Variants in NRXN3 observed in about 807,000 individuals in gnomAD.
NRXN3 encodes neurexin III.
A neutral mutation model predicts 137.6 loss-of-function variants in NRXN3; 32 were observed. The ratio of observed to expected loss-of-function variants is 0.23; its 90% CI spans 0.18 to 0.31. NRXN3 has a LOEUF of 0.31. Among genes scored for constraint, NRXN3 ranks in the 10% least tolerant of loss-of-function variants. The probability of loss-of-function intolerance (pLI) is 1.00; values close to 1 mark genes in which losing one functional copy is unlikely to be tolerated. For synonymous variants in NRXN3, 798 were observed against 784.5 expected (o/e 1.02, Z -0.29); for missense variants, 1,574 against 2,062.5 (o/e 0.76, Z 4.59).
At chr14:79,635,694 T>A (rs1245138049) in intron 16 of NRXN3, among the ~76,000 whole-genome samples, 2 of 152,180 alleles carry the variant, frequency 1.3e-5, no homozygotes, top group African/African-American at 4.8e-5. Context: ...TCCCTGTGTG[T>A]CTGTATTTGT....
intron 18 of NRXN3, among the ~76,000 whole-genome samples, chr14:79,696,006 G>A (rs12147389): frequency 0.31 from 47,336 of 151,814 alleles, 10,082 homozygotes; most frequent in African/African-American, 0.6. Context: ...GCTATTATTT[G>A]TAAATCATTC....
rs1224674515 is a variant in NRXN3 at position 79,408,350 on chromosome 14, G to A, written c.3263-58871G>A. 5.9e-5 allele frequency among the ~76,000 whole-genome samples: 9 copies of A among 152,084 alleles called. No homozygotes were observed. The East Asian group carries it at 9.7e-4, about 16-fold the overall frequency. ...GGGTCCAACCTAAATTTTCTAGGAC[G>A]CAGCCCAACTAACTGAATTCTTTAT... On this transcript the variant is annotated intron_variant, in intron 15 of 20. Coordinates refer to ENST00000335750, the MANE Select transcript of NRXN3 (RefSeq NM_001330195.2).
intron 16 of NRXN3, among the ~76,000 whole-genome samples, chr14:79,544,457 A>C (rs1382085133): frequency 5.9e-5 from 9 of 152,212 alleles, no homozygotes; most frequent in African/African-American, 2.2e-4. Flanking sequence ...GTGCAGTAGT[A>C]GAGAGAATAG....
Position 79,616,595 on chromosome 14 carries a change from C to T in NRXN3, c.3445-47183C>T, listed in dbSNP as rs78042935. The stretch of plus-strand genomic sequence containing the variant: ...TACCTGGGTAGCAAAATAATCTGTA[C>T]ACCAAATCCCCATGACATGTGATTT... On this transcript the variant is annotated intron_variant, in intron 16 of 20. Coordinates refer to ENST00000335750, the MANE Select transcript of NRXN3 (RefSeq NM_001330195.2). 8.3e-4 allele frequency among the ~76,000 whole-genome samples: 127 copies of T among 152,242 alleles called. 2 individuals carry two copies. Among genetic ancestry groups the T allele is most frequent in the Middle Eastern group, 3.4e-3 (1 of 294 alleles).
chr14:78,257,307 C>T (rs920844756), intron 2 of NRXN3, among the ~76,000 whole-genome samples: 34 of 152,360 alleles, frequency 2.2e-4, no homozygotes, highest in Non-Finnish European at 1.6e-4. Flanking sequence ...ATTCACCTGA[C>T]ATTCACTACA....
chr14:79,349,955 A>G (rs1263816876), intron 15 of NRXN3, among the ~76,000 whole-genome samples: 1 of 152,228 alleles, frequency 6.6e-6, no homozygotes, highest in Non-Finnish European at 1.5e-5. Context: ...CTGGGTGGCA[A>G]TAAGTTTCTG....
chr14:78,292,907 G>T (rs1323892421), intron 3 of NRXN3, among the ~76,000 whole-genome samples: 3 of 152,148 alleles, frequency 2.0e-5, no homozygotes, highest in African/African-American at 7.2e-5. Flanking sequence ...GATTGCTGCT[G>T]ATGGGCATGC....
At chr14:78,834,002 G>A (rs1340183384) in intron 10 of NRXN3, among the ~76,000 whole-genome samples, 2 of 152,156 alleles carry the variant, frequency 1.3e-5, no homozygotes, top group Non-Finnish European at 2.9e-5. Flanking sequence ...AATATGTTGT[G>A]CAGAAGGTAA....
chr14:78,666,379 C>CA (rs2097886814), intron 6 of NRXN3, among the ~76,000 whole-genome samples: 1 of 152,002 alleles, frequency 6.6e-6, no homozygotes, highest in African/African-American at 2.4e-5. Context: ...AAAGCCAAAA[C>CA]AAAATGGTTA....
At chr14:78,406,124 G>A (rs1263490932) in intron 4 of NRXN3, among the ~76,000 whole-genome samples, 2 of 152,198 alleles carry the variant, frequency 1.3e-5, no homozygotes, top group African/African-American at 2.4e-5. Flanking sequence ...AGGAAGTTTG[G>A]TGAGAGATGG....
chr14:79,585,353 G>C (rs1251001367), intron 16 of NRXN3, among the ~76,000 whole-genome samples: 4 of 152,148 alleles, frequency 2.6e-5, no homozygotes, highest in Non-Finnish European at 4.4e-5. Flanking sequence ...TGGAAGGATA[G>C]AGGCATAGCC....
intron 15 of NRXN3, among the ~76,000 whole-genome samples, chr14:79,300,385 G>A (rs1018828147): frequency 6.6e-6 from 1 of 152,082 alleles, no homozygotes; most frequent in African/African-American, 2.4e-5. Flanking sequence ...GTGATTCTGT[G>A]GGTCAGCAGT....
intron 15 of NRXN3, among the ~76,000 whole-genome samples, chr14:79,408,626 G>A (rs2095358274): frequency 1.3e-5 from 2 of 151,858 alleles, no homozygotes; most frequent in Non-Finnish European, 2.9e-5. Context: ...GGTTCATCTG[G>A]GGCAGATGAA....
At chr14:79,113,934 C>A (rs2053969201) in intron 15 of NRXN3, among the ~76,000 whole-genome samples, 1 of 152,194 alleles carries the variant, frequency 6.6e-6, no homozygotes, top group African/African-American at 2.4e-5. Flanking sequence ...ACTGTCCACG[C>A]TGCTAGTCTG....
chr14:79,114,099 T>C (rs1485489186), intron 15 of NRXN3, among the ~76,000 whole-genome samples: 1 of 152,174 alleles, frequency 6.6e-6, no homozygotes, highest in African/African-American at 2.4e-5. Flanking sequence ...AACAGGGCAA[T>C]GTTGCCCCTC....
At chr14:79,105,098 T>C (rs1157808165) in intron 15 of NRXN3, among the ~76,000 whole-genome samples, 1 of 152,130 alleles carries the variant, frequency 6.6e-6, no homozygotes, top group Non-Finnish European at 1.5e-5. Context: ...GAACATTTTA[T>C]TTCACCCCAG....
chr14:78,403,411 A>G (rs1196870683), intron 4 of NRXN3, among the ~76,000 whole-genome samples: 2 of 152,220 alleles, frequency 1.3e-5, no homozygotes, highest in Non-Finnish European at 2.9e-5. Flanking sequence ...CAGAGCTCGC[A>G]TTCTGGGAAT....
At chr14:78,237,577 C>T (rs532172523) in intron 1 of NRXN3, among the ~76,000 whole-genome samples, 13 of 152,274 alleles carry the variant, frequency 8.5e-5, no homozygotes, top group Middle Eastern at 6.8e-3. Flanking sequence ...ATCCTTTTCA[C>T]GATAATTCCA....
At position 79,663,771 on chromosome 14, in the gene NRXN3, A is replaced by G. The variant is rs769184645; in HGVS notation, c.3445-7A>G. 81 of 1,611,188 alleles carry G rather than the reference A, an allele frequency of 5.0e-5. 1 individual carries two copies. Among genetic ancestry groups the G allele is most frequent in the Middle Eastern group, 1.7e-4 (1 of 6,044 alleles). ...ATAACTATGCCTTTTGTGTTTCTTT[A>G]TTATAGGAACAGGGGAAAATTGGAG... On this transcript the variant is annotated splice_polypyrimidine_tract_variant and splice_region_variant and intron_variant, in intron 16 of 20. Transcript: ENST00000335750.
Sources: gnomAD v4.1 joint callset for allele counts (sites outside exome capture counted in the v4.1 genomes callset) on GRCh38, gnomAD v4.1.1 for gene constraint, MANE v1.5 for transcripts, NCBI Gene and HGNC (gene_info 2026-07-23, HGNC 2026-07-21) for gene names.